Variants in ABCC8 observed in about 807,000 individuals in gnomAD.
The protein encoded by ABCC8 is ATP-binding cassette sub-family C member 8.
A neutral mutation model predicts 188.0 loss-of-function variants in ABCC8; 137 were observed. The observed-to-expected ratio is 0.73, with a 90% CI of 0.63 to 0.84. The LOEUF is 0.84. Among genes scored for constraint, ABCC8 ranks in the 40% least tolerant of loss-of-function variants. The pLI is 0.00. For missense variants in ABCC8, 1,750 were observed against 2,072.7 expected, an observed-to-expected ratio of 0.84 and a Z score of 3.02; for synonymous variants, 797 against 846.5, an observed-to-expected ratio of 0.94 and a Z score of 1.01.
intron 1 of ABCC8, among the ~76,000 whole-genome samples, chr11:17,475,669 TTCTA>T (rs1224302938): frequency 1.3e-5 from 2 of 152,360 alleles, no homozygotes; most frequent in South Asian, 2.1e-4. Context: ...TTATTTCTAT[TTCTA>T]TCTAACTGTC....
At chr11:17,428,522 A>C in intron 13 of ABCC8, 43 bp downstream of exon 13, 1 of 1,612,372 alleles carries the variant, frequency 6.2e-7, no homozygotes, top group Non-Finnish European at 8.5e-7. Flanking sequence ...TTTGGGCCTT[A>C]GAGGACCATG....
chr11:17,432,491 G>T lies in ABCC8; in HGVS notation c.1631-247C>A, dbSNP rs1955893683. The T allele has an allele frequency of 6.7e-6, 5 of 744,774 alleles. No individual in the cohort carries two copies. The South Asian group carries it at 1.2e-4, about 17-fold the overall frequency. The allele number at this position is 744,774 out of a possible 1,614,324, so 46.1% of individuals were successfully genotyped here. A position where few individuals can be genotyped will look rare whatever the true frequency, so the allele number is the denominator to read the frequency against. ...TTAAACTGTTAAGTCACTCCGTGTG[G>T]ACAGGGTGAAGTTAGCCCCACGGGA... On this transcript the variant is annotated intron_variant, in intron 10 of 38. Coordinates refer to ENST00000389817, the MANE Select transcript of ABCC8 (RefSeq NM_000352.6).
chr11:17,400,697 G>T lies in ABCC8; in HGVS notation c.3650+1964C>A, dbSNP rs372241909. On this transcript the variant is annotated intron_variant, in intron 29 of 38. Coordinates refer to ENST00000389817, the MANE Select transcript of ABCC8 (RefSeq NM_000352.6). ...AAGCCCAGAAGGTCAGGCAAACCTG[G>T]GTTCCAAGCTCAGCGCCAGCCCCCG... 8.2e-4 allele frequency among the ~76,000 whole-genome samples: 125 copies of T among 152,338 alleles called. 2 individuals carry two copies. The South Asian group carries it at 0.025, about 31-fold the overall frequency.
At chr11:17,417,883 G>A (rs936510366) in intron 16 of ABCC8, among the ~76,000 whole-genome samples, 1 of 151,926 alleles carries the variant, frequency 6.6e-6, no homozygotes, top group Non-Finnish European at 1.5e-5. Context: ...CTGAGTAGAT[G>A]GGATTACAGG....
At chr11:17,395,803 C>T (rs770982250) in intron 34 of ABCC8, 49 bp downstream of exon 34, 26 of 1,555,618 alleles carry the variant, frequency 1.7e-5, no homozygotes, top group Non-Finnish European at 2.3e-5. Flanking sequence ...GGGCTGAGGC[C>T]TCATCTGGTG....
chr11:17,411,264 T>A (rs745722061), intron 21 of ABCC8, among the ~76,000 whole-genome samples: 60 of 152,348 alleles, frequency 3.9e-4, no homozygotes, highest in Non-Finnish European at 7.5e-4. Context: ...TCCCAAGAAC[T>A]GAGACTTCTT....
chr11:17,471,145 C>CA (rs1258906243), intron 2 of ABCC8, among the ~76,000 whole-genome samples: 2 of 152,240 alleles, frequency 1.3e-5, no homozygotes, highest in Non-Finnish European at 2.9e-5. Flanking sequence ...TGTTGCCCAC[C>CA]AGGCTACTTC....
intron 3 of ABCC8, among the ~76,000 whole-genome samples, chr11:17,467,222 C>T (rs1848221516): frequency 6.6e-6 from 1 of 152,142 alleles, no homozygotes; most frequent in African/African-American, 2.4e-5. Flanking sequence ...TCAAGACCAG[C>T]ATGGTCAACA....
At chr11:17,433,342 A>G (rs1955932723) in intron 10 of ABCC8, among the ~76,000 whole-genome samples, 2 of 152,256 alleles carry the variant, frequency 1.3e-5, no homozygotes, top group Admixed American at 1.3e-4. Context: ...CAGGAGCCAG[A>G]AGCCAGAGGC....
intron 16 of ABCC8, among the ~76,000 whole-genome samples, chr11:17,419,378 G>A (rs1257907829): frequency 6.6e-6 from 1 of 152,226 alleles, no homozygotes; most frequent in Non-Finnish European, 1.5e-5. Context: ...TGCAGAGGCT[G>A]CCTTCCAGGG....
At position 17,395,225 on chromosome 11, in the gene ABCC8, G is replaced by T; in HGVS notation, c.4358C>A (p.Ala1453Asp). Residue 1453 changes from alanine to aspartate, a missense_variant, in exon 36 of 39, where the codon GCC becomes GAC. By Grantham distance (126) the Ala-to-Asp change is moderately radical. Coordinates refer to ENST00000389817, the MANE Select transcript of ABCC8 (RefSeq NM_000352.6). ...CAGCTTCAGCTGGGCGATTTCCAGG[G>T]CCTCCCACAGTGTGCTATCTGAGCA... ...RKCSDSTLWE[A>D]LEIAQLKLVV... is the part of the protein sequence containing the mutation. 6.3e-7 allele frequency: 1 copy of T among 1,598,920 alleles called. No individual in the cohort carries two copies. Among genetic ancestry groups the T allele is most frequent in the Non-Finnish European group, 8.5e-7 (1 of 1,171,608 alleles).
Position 17,461,823 on chromosome 11 carries a change from T to C in ABCC8, c.582A>G (p.Arg194=), listed in dbSNP as rs747807013. ...CCCTCGGTGTCTTGAAGAAGATGTA[T>C]CTCTGTGGGGCACATGGGCCATGGG... ...LVEVNVIRVR[R]YIFFKTPREV... The change falls in exon 5 of 39, where the codon AGA becomes AGG. Residue 194 remains arginine, a splice_region_variant and synonymous_variant. Transcript: ENST00000389817. 2 of 1,613,952 alleles carry C rather than the reference T, an allele frequency of 1.2e-6. No individual in the cohort carries two copies. Among genetic ancestry groups the C allele is most frequent in the South Asian group, 1.1e-5 (1 of 91,050 alleles).
intron 10 of ABCC8, among the ~76,000 whole-genome samples, chr11:17,440,175 C>T (rs1489359043): frequency 1.3e-5 from 2 of 152,148 alleles, no homozygotes; most frequent in Non-Finnish European, 2.9e-5. Context: ...TGTTGTTTCC[C>T]TTCCCTCTCT....
intron 4 of ABCC8, among the ~76,000 whole-genome samples, chr11:17,463,036 G>A (rs1368860398): frequency 1.3e-5 from 2 of 152,042 alleles, no homozygotes; most frequent in Non-Finnish European, 2.9e-5. Context: ...AGAGGGAGGC[G>A]GGAGCAAACA....
At position 17,460,572 on chromosome 11, in the gene ABCC8, G is replaced by C; in HGVS notation, c.927C>G (p.Ala309=). ...LVLSSTFRIL[A]DLLGFAGPLC... ...GTGGCCCGGCGAAGCCCAGCAGGTCGGCCAAGATGCGGAAAGTGCTGCTGA... is the reference window on the plus strand; with the variant it reads ...GTGGCCCGGCGAAGCCCAGCAGGTCCGCCAAGATGCGGAAAGTGCTGCTGA... Residue 309 remains alanine, a synonymous_variant, in exon 6 of 39, where the codon GCC becomes GCG. Transcript: ENST00000389817. 6.2e-7 allele frequency: 1 copy of C among 1,613,876 alleles called. No individual in the cohort carries two copies.
intron 8 of ABCC8, among the ~76,000 whole-genome samples, chr11:17,447,193 G>A (rs1226173623): frequency 6.6e-6 from 1 of 152,222 alleles, no homozygotes; most frequent in African/African-American, 2.4e-5. Flanking sequence ...CTCTGGGAAT[G>A]GGTCTGGGAT....
chr11:17,461,131 G>A (rs947314264), intron 5 of ABCC8: 30 of 328,894 alleles, frequency 9.1e-5, no homozygotes, highest in Admixed American at 7.8e-4. Flanking sequence ...CTTTCTCAGG[G>A]CCTCAATTTG....
chr11:17,460,847 G>A, intron 5 of ABCC8, 171 bp from the exon 6 acceptor site: 1 of 1,378,950 alleles, frequency 7.3e-7, no homozygotes, highest in Non-Finnish European at 9.7e-7. Context: ...TGCACAGTTG[G>A]GAGGGCCCTA....
chr11:17,461,546 G>A (rs1957187072), intron 5 of ABCC8, 37 bp downstream of exon 5: 1 of 1,613,450 alleles, frequency 6.2e-7, no homozygotes, highest in South Asian at 1.1e-5. Context: ...TAAACCAGAA[G>A]GCAGTGAATA....
Sources: allele counts gnomAD v4.1 joint callset (sites outside exome capture counted in the v4.1 genomes callset), GRCh38; gene constraint gnomAD v4.1.1; transcripts MANE v1.5; gene names NCBI Gene and HGNC (gene_info 2026-07-23, HGNC 2026-07-21).